Variants in CTNNA3 observed in about 807,000 individuals in gnomAD.
CTNNA3 encodes catenin alpha-3.
CTNNA3 carries 76 observed loss-of-function variants against 95.7 expected under a neutral mutation model. The observed-to-expected ratio is 0.79, with a 90% confidence interval of 0.66 to 0.96. CTNNA3 has a LOEUF of 0.96. Ranked by LOEUF, CTNNA3 falls within the 40% of genes least tolerant of loss-of-function variation. The probability of loss-of-function intolerance (pLI) is 0.00; values close to 1 mark genes in which losing one functional copy is unlikely to be tolerated. For missense variants in CTNNA3, 1,191 were observed against 1,089.8 expected (o/e 1.09, Z -1.31); for synonymous variants, 431 against 374.4 (o/e 1.15, Z -1.74).
At chr10:66,806,756 A>ATATGTGTGTG (rs1359507202) in intron 7 of CTNNA3, among the ~76,000 whole-genome samples, 351 of 145,816 alleles carry the variant, frequency 2.4e-3, no homozygotes, top group African/African-American at 8.1e-3. Flanking sequence ...TGTGGCATAT[A>ATATGTGTGTG]TGTGTGTGTG....
chr10:67,712,879 G>C (rs959298218), intron 1 of CTNNA3, among the ~76,000 whole-genome samples: 9 of 152,030 alleles, frequency 5.9e-5, no homozygotes, highest in Admixed American at 1.3e-4. Context: ...CATGAGCAAA[G>C]ACCTCATGAC....
chr10:66,486,818 T>TACACACACAC (rs373131708), intron 11 of CTNNA3, among the ~76,000 whole-genome samples: 15 of 140,886 alleles, frequency 1.1e-4, no homozygotes, highest in African/African-American at 3.7e-4. Context: ...GATGAACAAA[T>TACACACACAC]ACACACACAC....
At chr10:66,806,261 T>TTGTGTGTG (rs59596203) in intron 7 of CTNNA3, among the ~76,000 whole-genome samples, 3,491 of 143,976 alleles carry the variant, frequency 0.024, 106 homozygotes, top group African/African-American at 0.071. Flanking sequence ...ATATTGGTGT[T>TTGTGTGTG]TGTGTGTGTG....
chr10:65,935,813 T>G (rs975002042), intron 17 of CTNNA3, among the ~76,000 whole-genome samples: 3 of 152,128 alleles, frequency 2.0e-5, no homozygotes, highest in African/African-American at 7.2e-5. Flanking sequence ...ATGGAAAGGC[T>G]TTTGCACTGA....
At chr10:66,230,083 T>C (rs917048043) in intron 13 of CTNNA3, among the ~76,000 whole-genome samples, 2 of 152,284 alleles carry the variant, frequency 1.3e-5, no homozygotes, top group South Asian at 4.1e-4. Context: ...TTGGATCTTT[T>C]TAAACAATAT....
chr10:66,089,397 TC>T (rs1198530271), intron 14 of CTNNA3, among the ~76,000 whole-genome samples: 5 of 151,420 alleles, frequency 3.3e-5, no homozygotes, highest in African/African-American at 1.2e-4. Flanking sequence ...CTTCTTTCCT[TC>T]CTTACTCCCT....
At chr10:66,784,800 T>C (rs12255750) in intron 7 of CTNNA3, among the ~76,000 whole-genome samples, 25,881 of 152,000 alleles carry the variant, frequency 0.17, 2,847 homozygotes, top group African/African-American at 0.31. Flanking sequence ...TTGGAGAGGA[T>C]TTATATAAAG....
At chr10:67,683,731 T>G (rs1241923927) in intron 1 of CTNNA3, among the ~76,000 whole-genome samples, 1 of 152,182 alleles carries the variant, frequency 6.6e-6, no homozygotes, top group Non-Finnish European at 1.5e-5. Context: ...TTACCACTCT[T>G]AAAGATGTTG....
intron 6 of CTNNA3, among the ~76,000 whole-genome samples, chr10:67,199,738 T>C (rs1863554685): frequency 6.6e-6 from 1 of 152,136 alleles, no homozygotes. Flanking sequence ...GCAAATGGGA[T>C]GCAAAACAAC....
At chr10:67,034,369 T>C (rs1443709246) in intron 7 of CTNNA3, among the ~76,000 whole-genome samples, 1 of 152,206 alleles carries the variant, frequency 6.6e-6, no homozygotes, top group Non-Finnish European at 1.5e-5. Flanking sequence ...GAGGATACAA[T>C]GCCCAATAAA....
intron 5 of CTNNA3, among the ~76,000 whole-genome samples, chr10:67,360,686 G>A (rs928572600): frequency 1.3e-5 from 2 of 152,100 alleles, no homozygotes; most frequent in African/African-American, 2.4e-5. Context: ...AGGCAAAGAG[G>A]GAGCAGGCAT....
intron 10 of CTNNA3, among the ~76,000 whole-genome samples, chr10:66,546,408 T>C (rs1842036644): frequency 6.6e-6 from 1 of 152,186 alleles, no homozygotes; most frequent in African/African-American, 2.4e-5. Flanking sequence ...TATATTTCTG[T>C]ATTTTTATTC....
At chr10:66,516,066 A>AAAAAG in intron 11 of CTNNA3, among the ~76,000 whole-genome samples, 1 of 150,918 alleles carries the variant, frequency 6.6e-6, no homozygotes, top group South Asian at 2.1e-4. Flanking sequence ...ATTATCTGGA[A>AAAAAG]AAAAAAAAAA....
chr10:66,408,642 T>C (rs892255071), intron 11 of CTNNA3, among the ~76,000 whole-genome samples: 7 of 152,178 alleles, frequency 4.6e-5, no homozygotes, highest in African/African-American at 1.4e-4. Context: ...TTCCTCCAAC[T>C]TTCCATTTAT....
chr10:66,600,195 TC>T (rs1843870941), intron 10 of CTNNA3, among the ~76,000 whole-genome samples: 1 of 151,860 alleles, frequency 6.6e-6, no homozygotes, highest in Non-Finnish European at 1.5e-5. Flanking sequence ...GATCCGATAT[TC>T]AGAAAAATGG....
At chr10:67,397,619 G>C (rs548684081) in intron 5 of CTNNA3, among the ~76,000 whole-genome samples, 1 of 152,188 alleles carries the variant, frequency 6.6e-6, no homozygotes, top group Non-Finnish European at 1.5e-5. Flanking sequence ...TAAGTAACAA[G>C]GCCAAATGTA....
chr10:66,569,066 G>C (rs1842792127), intron 10 of CTNNA3, among the ~76,000 whole-genome samples: 1 of 151,956 alleles, frequency 6.6e-6, no homozygotes, highest in Admixed American at 6.6e-5. Context: ...AGAAGCTAGA[G>C]AATAAAAGCT....
At chr10:66,747,420 C>G (rs924308650) in intron 9 of CTNNA3, among the ~76,000 whole-genome samples, 10 of 152,192 alleles carry the variant, frequency 6.6e-5, no homozygotes, top group East Asian at 5.8e-4. Flanking sequence ...TGAGACCTGT[C>G]TAGCTCCGGT....
intron 7 of CTNNA3, among the ~76,000 whole-genome samples, chr10:67,134,658 C>T (rs1860205427): frequency 6.6e-6 from 1 of 152,120 alleles, no homozygotes; most frequent in African/African-American, 2.4e-5. Context: ...TAGATATCTG[C>T]ATCCATTCAG....
Sources: gnomAD v4.1 joint callset for allele counts (sites outside exome capture counted in the v4.1 genomes callset) on GRCh38, gnomAD v4.1.1 for gene constraint, MANE v1.5 for transcripts, NCBI Gene and HGNC (gene_info 2026-07-23, HGNC 2026-07-21) for gene names.